The following ZC3H4 variants were observed in gnomAD, a reference collection of about 807,000 sequenced individuals.
The protein encoded by ZC3H4 is zinc finger CCCH-type containing 4.
In ZC3H4, 13 loss-of-function variants were observed where a neutral mutation model predicts 108.3. The observed-to-expected ratio is 0.12, with a 90% CI of 0.08 to 0.19. ZC3H4 has a LOEUF of 0.19. Among genes scored for constraint, ZC3H4 ranks in the 10% least tolerant of loss-of-function variants. ZC3H4 has a pLI of 1.00. For missense variants in ZC3H4, 1,734 were observed against 1,838.8 expected (o/e 0.94, Z 1.04); for synonymous variants, 917 against 749.6 (o/e 1.22, Z -3.65).
intron 9 of ZC3H4, among the ~76,000 whole-genome samples, chr19:47,084,127 A>G (rs1023967754): frequency 2.6e-5 from 4 of 152,298 alleles, no homozygotes; most frequent in Admixed American, 6.5e-5. Context: ...CCCTAAAACC[A>G]AAAGTCCTCA....
chr19:47,067,856 G>T lies in ZC3H4; in HGVS notation c.2412C>A (p.Asn804Lys). The part of the protein sequence containing the change: ...DRENEEGDTG[N>K]WYSSDEDEGG... Reference sequence around the variant, plus strand: ...CCTCATCCTCATCACTTGAGTACCAGTTTCCGGTGTCACCTGGGAAAGAAC... The same window carrying T: ...CCTCATCCTCATCACTTGAGTACCATTTTCCGGTGTCACCTGGGAAAGAAC... The change falls in exon 15 of 15, where the codon AAC (asparagine) becomes AAA (lysine). Residue 804 changes from asparagine (N) to lysine (K), a missense_variant. By Grantham distance (94) the Asn-to-Lys change is moderately conservative. Coordinates refer to ENST00000253048, the MANE Select transcript of ZC3H4 (RefSeq NM_015168.2). This position sits in a 1 kb window ranked among gnomAD's most constrained non-coding sequence, Gnocchi z 6.4. 1 of 1,594,964 alleles carries T rather than the reference G, an allele frequency of 6.3e-7. No individual in the cohort carries two copies.
In ZC3H4 at chr19:47,066,503, G is replaced by C. The variant is rs758683467; in HGVS notation, c.3765C>G (p.Leu1255=). 1 of 1,579,328 alleles carries C rather than the reference G, an allele frequency of 6.3e-7. No homozygotes were observed. The highest frequency in any genetic ancestry group is 1.3e-5 in the African/African-American group (1 of 74,542). The stretch of plus-strand genomic sequence containing the variant: ...TGGGTGTCTGCTTCACCGTCCCGAA[G>C]AGGGTGGGCACGGGCAGGTTGTGCA... The part of the protein sequence containing the change: ...PGVHNLPVPT[L]FGTVKQTPKT... The change falls in exon 15 of 15, where the codon CTC becomes CTG. Residue 1255 remains leucine, a synonymous_variant. Transcript: ENST00000253048.
chr19:47,109,276 C>T (rs1365374677), intron 2 of ZC3H4, among the ~76,000 whole-genome samples: 1 of 152,160 alleles, frequency 6.6e-6, no homozygotes, highest in Admixed American at 6.5e-5. Flanking sequence ...AAACAATAAA[C>T]CGTTGTGTTG....
chr19:47,092,710 G>A (rs1461588284), intron 4 of ZC3H4, among the ~76,000 whole-genome samples: 1 of 151,828 alleles, frequency 6.6e-6, no homozygotes, highest in African/African-American at 2.4e-5. Context: ...CCAGCTACTC[G>A]GGAGGCTGAG....
At chr19:47,104,518 T>C (rs2057944614) in intron 2 of ZC3H4, among the ~76,000 whole-genome samples, 1 of 152,216 alleles carries the variant, frequency 6.6e-6, no homozygotes, top group South Asian at 2.1e-4. Context: ...TCAGCTCTCA[T>C]ACCCTTTTGG....
At chr19:47,105,736 C>T (rs1009828046) in intron 2 of ZC3H4, among the ~76,000 whole-genome samples, 4 of 152,380 alleles carry the variant, frequency 2.6e-5, no homozygotes, top group African/African-American at 7.2e-5. Flanking sequence ...TGACCCACAT[C>T]TGCTTCTTTG....
At chr19:47,080,934 A>T (rs922162259) in intron 11 of ZC3H4, among the ~76,000 whole-genome samples, 4 of 151,960 alleles carry the variant, frequency 2.6e-5, no homozygotes, top group African/African-American at 9.7e-5. Context: ...CACTCGGTTA[A>T]GTTTTTTGTA....
In ZC3H4 at chr19:47,072,128, G is replaced by A. The variant is rs1451246375; in HGVS notation, c.1803-7C>T. 2 of 1,518,262 alleles carry A rather than the reference G, an allele frequency of 1.3e-6. No homozygotes were observed. Among genetic ancestry groups the A allele is most frequent in the Non-Finnish European group, 1.8e-6 (2 of 1,136,284 alleles). 94.0% of individuals were successfully genotyped at this position (1,518,262 alleles called of 1,614,324 possible). A position where few individuals can be genotyped will look rare whatever the true frequency, so the allele number is the denominator to read the frequency against. The stretch of plus-strand genomic sequence containing the variant: ...TCCACCGGGTCCAGGGAACCTAGAA[G>A]AGGGAAAAGGTGCCTGTGACGGAAG... On this transcript the variant is annotated splice_region_variant and splice_polypyrimidine_tract_variant and intron_variant, in intron 12 of 14. Coordinates refer to ENST00000253048, the MANE Select transcript of ZC3H4 (RefSeq NM_015168.2). This position sits in a 1 kb window ranked among gnomAD's most constrained non-coding sequence, Gnocchi z 5.6.
intron 5 of ZC3H4, among the ~76,000 whole-genome samples, chr19:47,087,799 C>T (rs755274042): frequency 9.9e-5 from 15 of 152,086 alleles, no homozygotes; most frequent in Admixed American, 7.2e-4. Context: ...GCTTGAACCT[C>T]GGAGGCGGAG....
chr19:47,071,729 C>T (rs562006571), intron 13 of ZC3H4, 49 bp downstream of exon 13: 13 of 1,531,038 alleles, frequency 8.5e-6, no homozygotes, highest in Middle Eastern at 1.8e-4. Context: ...CTCTGCTCCA[C>T]TGGGTAAAGC....
chr19:47,071,228 T>C (rs972759254), intron 13 of ZC3H4, among the ~76,000 whole-genome samples: 22 of 152,186 alleles, frequency 1.4e-4, no homozygotes, highest in Non-Finnish European at 2.5e-4. Flanking sequence ...AGGACAGTGG[T>C]GGCCTCTCGT....
chr19:47,071,733 G>A (rs770298096), intron 13 of ZC3H4, 45 bp downstream of exon 13: 5 of 1,544,522 alleles, frequency 3.2e-6, no homozygotes, highest in Non-Finnish European at 8.7e-7. Context: ...GCTCCACTGG[G>A]TAAAGCCTGC....
intron 2 of ZC3H4, among the ~76,000 whole-genome samples, chr19:47,108,766 G>T (rs2057998913): frequency 6.6e-6 from 1 of 152,134 alleles, no homozygotes; most frequent in African/African-American, 2.4e-5. Context: ...GGCTTATAAA[G>T]AAATCAAAAA....
chr19:47,075,739 G>T (rs1030998073), intron 11 of ZC3H4, among the ~76,000 whole-genome samples: 1 of 152,150 alleles, frequency 6.6e-6, no homozygotes, highest in East Asian at 1.9e-4. Context: ...TTGAGTGAAC[G>T]ACTAAGCAAG....
intron 2 of ZC3H4, 162 bp downstream of exon 2, chr19:47,112,262 G>T (rs372794675): frequency 8.8e-7 from 1 of 1,138,344 alleles, no homozygotes; most frequent in South Asian, 4.4e-5. Context: ...GAGAAAGAGC[G>T]AGCGAGCAAG....
At chr19:47,068,362 G>A (rs1234171914) in intron 14 of ZC3H4, among the ~76,000 whole-genome samples, 2 of 152,198 alleles carry the variant, frequency 1.3e-5, no homozygotes, top group African/African-American at 2.4e-5. Context: ...AGTTCTGGCT[G>A]GGCCTGGGGC....
intron 2 of ZC3H4, among the ~76,000 whole-genome samples, chr19:47,095,915 A>T (rs1368917407): frequency 6.6e-6 from 1 of 152,164 alleles, no homozygotes; most frequent in Non-Finnish European, 1.5e-5. Context: ...AGGCCCCAAA[A>T]GGTTAGCCAC....
At position 47,094,564 on chromosome 19, in the gene ZC3H4, G is replaced by A. The variant is rs1172677231; in HGVS notation, c.206C>T (p.Ala69Val). The change falls in exon 3 of 15, where the codon GCA (alanine) becomes GTA (valine). Residue 69 changes from alanine (A) to valine (V), a missense_variant. Physicochemically the swap from Ala to Val is moderately conservative, Grantham distance 64. Coordinates refer to ENST00000253048, the MANE Select transcript of ZC3H4 (RefSeq NM_015168.2). The stretch of plus-strand genomic sequence containing the variant: ...TCCGGAGGTATCCTGGGTCTCCTCT[G>A]CCCCATCATCTTCCAATTCACCTTC... ...LEEGELEDDG[A>V]EETQDTSGGP... 4 of 1,613,954 alleles carry A rather than the reference G, an allele frequency of 2.5e-6. No homozygotes were observed. Among genetic ancestry groups the A allele is most frequent in the Non-Finnish European group, 3.4e-6 (4 of 1,180,024 alleles).
chr19:47,087,753 A>G lies in ZC3H4; in HGVS notation c.716-1215T>C, dbSNP rs370821978. ...GCCAGGCATGGTGGTGCAGGCCTGTAATCCCAGCTACTGGAGAGGCTAAGG... is the reference window on the plus strand; with the variant it reads ...GCCAGGCATGGTGGTGCAGGCCTGTGATCCCAGCTACTGGAGAGGCTAAGG... On this transcript the variant is annotated intron_variant, in intron 5 of 14. Transcript: ENST00000253048. Among the ~76,000 whole-genome samples the G allele has an allele frequency of 3.3e-5, 5 of 152,278 alleles. 1 individual carries two copies. The highest frequency in any genetic ancestry group is 1.2e-4 in the African/African-American group (5 of 41,554).
Sources: gnomAD v4.1 joint callset for allele counts (sites outside exome capture counted in the v4.1 genomes callset) on GRCh38, gnomAD v4.1.1 for gene constraint, Gnocchi (gnomAD v3.1) non-coding constraint, MANE v1.5 for transcripts, NCBI Gene and HGNC (gene_info 2026-07-23, HGNC 2026-07-21) for gene names.